Variants in GNG4 observed in about 807,000 individuals in gnomAD.
GNG4 encodes guanine nucleotide-binding protein G(I)/G(S)/G(O) subunit gamma-4.
A neutral mutation model predicts 5.8 loss-of-function variants in GNG4; 4 were observed. The ratio of observed to expected loss-of-function variants is 0.69; its 90% CI spans 0.34 to 1.57. The LOEUF (loss-of-function observed/expected upper bound fraction) is 1.57, where lower values mean the gene tolerates loss of function less well. GNG4 is among the 40% of genes most tolerant of loss of function. The pLI, the probability that GNG4 is intolerant of heterozygous loss-of-function variation, is 0.06. For synonymous variants in GNG4, 29 were observed against 32.9 expected, an observed-to-expected ratio of 0.88 and a Z score of 0.41; for missense variants, 96 against 95.1, an observed-to-expected ratio of 1.01 and a Z score of -0.04.
chr1:235,616,050 C>G (rs1688581616), intron 1 of GNG4: 1 of 359,508 alleles, frequency 2.8e-6, no homozygotes, highest in African/African-American at 2.2e-5. Flanking sequence ...CACCTGGTGG[C>G]CGTCTTCCAT....
At chr1:235,635,107 C>G (rs968039661) in intron 1 of GNG4, among the ~76,000 whole-genome samples, 10 of 152,138 alleles carry the variant, frequency 6.6e-5, no homozygotes. Flanking sequence ...ATTTTGCAAA[C>G]CATGGTTCCA....
intron 1 of GNG4, among the ~76,000 whole-genome samples, chr1:235,607,640 C>T (rs1021987185): frequency 1.3e-5 from 2 of 152,372 alleles, no homozygotes; most frequent in East Asian, 3.9e-4. Context: ...AATGAGTTCG[C>T]AGCAGTTCAT....
chr1:235,559,411 A>G (rs914572070), intron 3 of GNG4, among the ~76,000 whole-genome samples: 1 of 152,112 alleles, frequency 6.6e-6, no homozygotes, highest in African/African-American at 2.4e-5. Context: ...AAAGCACTGC[A>G]GGGTGAACTC....
chr1:235,587,614 G>GTTT (rs1558486374), intron 2 of GNG4, among the ~76,000 whole-genome samples: 5 of 105,754 alleles, frequency 4.7e-5, no homozygotes, highest in African/African-American at 7.3e-5. Flanking sequence ...CATGGGGTGG[G>GTTT]GTGTGTGAAT....
At chr1:235,620,309 G>A (rs1291491929) in intron 1 of GNG4, among the ~76,000 whole-genome samples, 1 of 149,948 alleles carries the variant, frequency 6.7e-6, no homozygotes, top group Non-Finnish European at 1.5e-5. Context: ...AGGTTGCGGT[G>A]AGCCGAGATC....
At chr1:235,557,247 G>A (rs1572608971) in intron 3 of GNG4, among the ~76,000 whole-genome samples, 5 of 152,106 alleles carry the variant, frequency 3.3e-5, no homozygotes, top group Admixed American at 3.3e-4. Context: ...TTTGTTAATT[G>A]ACAATGAGAC....
chr1:235,573,241 G>A (rs967917070), intron 3 of GNG4, among the ~76,000 whole-genome samples: 20 of 149,684 alleles, frequency 1.3e-4, no homozygotes, highest in African/African-American at 4.2e-4. Context: ...AAAACCAAAC[G>A]CCGCATGTTC....
chr1:235,578,781 T>G (rs1571889906), intron 3 of GNG4, among the ~76,000 whole-genome samples: 2 of 151,950 alleles, frequency 1.3e-5, no homozygotes, highest in Middle Eastern at 6.8e-3. Flanking sequence ...GTGGTGAGAT[T>G]AGAGAGATGT....
At chr1:235,555,363 T>C (rs551355522) in intron 3 of GNG4, among the ~76,000 whole-genome samples, 2 of 152,320 alleles carry the variant, frequency 1.3e-5, no homozygotes, top group South Asian at 4.1e-4. Context: ...AGGAGGCAGC[T>C]GGATAAAACC....
chr1:235,610,811 G>A lies in GNG4; in HGVS notation c.-122-15300C>T, dbSNP rs543556584. Reference sequence around the variant, plus strand: ...AAAAAAGCACTGCAAGAGGCTGGGCGTGGTGGCTCACTCCTGTAATCCCAA... The same window carrying A: ...AAAAAAGCACTGCAAGAGGCTGGGCATGGTGGCTCACTCCTGTAATCCCAA... On this transcript the variant is annotated intron_variant, in intron 1 of 3. Transcript: ENST00000391854. Among the ~76,000 whole-genome samples, 11 of 152,310 alleles carry A rather than the reference G, an allele frequency of 7.2e-5. No homozygotes were observed. In the South Asian group the frequency reaches 1.9e-3, roughly 26 times the overall value.
At chr1:235,646,084 G>C (rs1262256534) in intron 1 of GNG4, among the ~76,000 whole-genome samples, 1 of 152,168 alleles carries the variant, frequency 6.6e-6, no homozygotes, top group Admixed American at 6.5e-5. Context: ...CTGGCCCAGA[G>C]GGATACTTAG....
intron 1 of GNG4, among the ~76,000 whole-genome samples, chr1:235,628,993 A>ATTTTTTTTTTTT (rs1054950474): frequency 4.2e-5 from 5 of 118,364 alleles, no homozygotes; most frequent in African/African-American, 1.5e-4. Context: ...ATTTGCTTGA[A>ATTTTTTTTTTTT]TTTTTTTTTT....
At chr1:235,598,689 G>A (rs955878007) in intron 1 of GNG4, among the ~76,000 whole-genome samples, 1 of 151,634 alleles carries the variant, frequency 6.6e-6, no homozygotes, top group Admixed American at 6.6e-5. Flanking sequence ...ACAATCTCTG[G>A]GGGAGGACTG....
At chr1:235,604,401 T>A (rs973255756) in intron 1 of GNG4, among the ~76,000 whole-genome samples, 5 of 152,130 alleles carry the variant, frequency 3.3e-5, no homozygotes, top group Non-Finnish European at 5.9e-5. Flanking sequence ...AACCGTGTGG[T>A]TCTAAGCAAC....
chr1:235,638,866 T>A (rs1157606896), intron 1 of GNG4, among the ~76,000 whole-genome samples: 1 of 103,862 alleles, frequency 9.6e-6, no homozygotes, highest in Non-Finnish European at 2.4e-5. Context: ...TAGTAATCCA[T>A]GGTGTATATG....
intron 1 of GNG4, among the ~76,000 whole-genome samples, chr1:235,618,943 A>G (rs976846502): frequency 1.3e-5 from 2 of 151,042 alleles, no homozygotes; most frequent in Non-Finnish European, 3.0e-5. Context: ...GGCGTGAGCC[A>G]CTGCACGCCG....
intron 1 of GNG4, among the ~76,000 whole-genome samples, chr1:235,608,592 T>TTA (rs1688411918): frequency 2.6e-5 from 4 of 152,192 alleles, no homozygotes; most frequent in Non-Finnish European, 4.4e-5. Flanking sequence ...ATTTACCCAT[T>TTA]CTGGACATTT....
intron 1 of GNG4, among the ~76,000 whole-genome samples, chr1:235,621,609 G>A (rs895091382): frequency 7.3e-5 from 11 of 150,854 alleles, no homozygotes; most frequent in South Asian, 2.1e-4. Context: ...AAAGTTGTCC[G>A]ATATTTGTGT....
At chr1:235,629,679 C>A (rs1378348371) in intron 1 of GNG4, among the ~76,000 whole-genome samples, 7 of 151,844 alleles carry the variant, frequency 4.6e-5, no homozygotes, top group African/African-American at 1.5e-4. Context: ...TCACTGCAAG[C>A]TCCACCTCCT....
Sources: gnomAD v4.1 joint callset for allele counts (sites outside exome capture counted in the v4.1 genomes callset) on GRCh38, gnomAD v4.1.1 for gene constraint, MANE v1.5 for transcripts, NCBI Gene and HGNC (gene_info 2026-07-23, HGNC 2026-07-21) for gene names.